The following KDM3A variants were observed in gnomAD, a reference collection of about 807,000 sequenced individuals.
The protein encoded by KDM3A is lysine-specific demethylase 3A.
Under a neutral mutation model 158.0 loss-of-function variants are expected in KDM3A, and 60 were observed. The ratio of observed to expected loss-of-function variants is 0.38; its 90% confidence interval spans 0.31 to 0.47. The LOEUF is 0.47. Among genes scored for constraint, KDM3A ranks in the 20% least tolerant of loss-of-function variants. KDM3A has a pLI of 0.99. For synonymous variants in KDM3A, 608 were observed against 549.3 expected (o/e 1.11, Z -1.49); for missense variants, 1,319 against 1,574.3 (o/e 0.84, Z 2.74).
At chr2:86,454,621 A>G (rs572719828) in intron 4 of KDM3A, among the ~76,000 whole-genome samples, 31 of 152,324 alleles carry the variant, frequency 2.0e-4, no homozygotes, top group African/African-American at 6.5e-4. Context: ...AAAATAAAAA[A>G]AAAACCCAGA....
intron 8 of KDM3A, among the ~76,000 whole-genome samples, chr2:86,463,721 A>C (rs1490279603): frequency 2.0e-5 from 3 of 152,222 alleles, no homozygotes; most frequent in African/African-American, 7.2e-5. Flanking sequence ...CACCATTTAA[A>C]ACTGTCACTT....
At chr2:86,478,811 C>G in intron 15 of KDM3A, 76 bp downstream of exon 15, 1 of 1,447,970 alleles carries the variant, frequency 6.9e-7, no homozygotes, top group East Asian at 2.3e-5. Context: ...CCAAGGATTT[C>G]TATCAGTGCA....
intron 4 of KDM3A, 124 bp from the exon 5 acceptor site, chr2:86,454,961 A>G (rs1465252916): frequency 1.7e-6 from 1 of 572,502 alleles, no homozygotes; most frequent in African/African-American, 2.0e-5. Flanking sequence ...GATTTGGGCT[A>G]TCACATGGTT....
intron 10 of KDM3A, among the ~76,000 whole-genome samples, chr2:86,469,349 C>T (rs192077578): frequency 1.3e-5 from 2 of 152,270 alleles, no homozygotes; most frequent in Admixed American, 1.3e-4. Flanking sequence ...CCTAAAAACC[C>T]ACTTCCCTCT....
rs138225856 is a variant in KDM3A at position 86,481,932 on chromosome 2, A to G, written c.2515A>G (p.Lys839Glu). The G allele has an allele frequency of 1.9e-5, 30 of 1,608,454 alleles. No individual in the cohort carries two copies. The African/African-American group carries it at 3.5e-4, about 19-fold the overall frequency. Residue 839 changes from lysine to glutamate, a missense_variant and splice_region_variant, in exon 17 of 26, where the codon AAA becomes GAA. Around this residue, in one of 4 missense-constraint regions of KDM3A, gnomAD observed 368 missense variants for 415.8 expected, o/e 0.89. Transcript: ENST00000312912. ...TGGATGTTTTGGTTTTATTTTAGAA[A>G]AACAACCAACAATGCCAATTTTAAA... Reference protein sequence around the residue: ...SGNVNKENKEKQPTMPILKNE... With the variant: ...SGNVNKENKEEQPTMPILKNE...
chr2:86,471,724 T>A (rs1365355995), intron 11 of KDM3A, among the ~76,000 whole-genome samples: 1 of 152,208 alleles, frequency 6.6e-6, no homozygotes, highest in African/African-American at 2.4e-5. Flanking sequence ...AAGTAAGAGT[T>A]TTTTAGGTAC....
intron 25 of KDM3A, 138 bp downstream of exon 25, chr2:86,491,413 C>G: frequency 1.3e-6 from 1 of 757,070 alleles, no homozygotes; most frequent in Admixed American, 2.4e-5. Flanking sequence ...TGCTTTATAT[C>G]TAGTACTACT....
At chr2:86,442,946 T>C (rs966266190) in intron 2 of KDM3A, among the ~76,000 whole-genome samples, 4 of 150,870 alleles carry the variant, frequency 2.7e-5, no homozygotes, top group African/African-American at 9.7e-5. Context: ...CGGCCAGTGA[T>C]TTTTTTTTAA....
At chr2:86,439,583 C>T (rs1262674083), upstream of KDM3A, among the ~76,000 whole-genome samples, 1 of 152,016 alleles carries the variant, frequency 6.6e-6, no homozygotes. Context: ...AGTTGTTTTT[C>T]AAATTAATAT....
At chr2:86,462,545 C>T (rs1282704289) in intron 8 of KDM3A, among the ~76,000 whole-genome samples, 1 of 152,110 alleles carries the variant, frequency 6.6e-6, no homozygotes, top group East Asian at 1.9e-4. Flanking sequence ...CCAAAACCAA[C>T]CATCACACCT....
Position 86,470,304 on chromosome 2 carries a change from G to C in KDM3A, c.1620G>C (p.Val540=). 1 of 1,614,068 alleles carries C rather than the reference G, an allele frequency of 6.2e-7. No homozygotes were observed. The highest frequency in any genetic ancestry group is 1.1e-5 in the South Asian group (1 of 91,082). The part of the protein sequence containing the change: ...FVQDDSCVNI[V]AQLPKCRECR... ...AGGATGATTCTTGTGTGAACATCGT[G>C]GCACAGTTGCCTAAATGCCGAGAGT... Residue 540 remains valine (V), a synonymous_variant, in exon 11 of 26, where the codon GTG becomes GTC. Coordinates refer to ENST00000312912, the MANE Select transcript of KDM3A (RefSeq NM_018433.6).
intron 25 of KDM3A, chr2:86,491,522 T>G: frequency 2.0e-6 from 1 of 489,672 alleles, no homozygotes. Context: ...AGAAAGGCCT[T>G]AGTACTGAAA....
In KDM3A at chr2:86,451,218, A is replaced by G. The variant is rs1207228552; in HGVS notation, c.453+5A>G. 6.5e-7 allele frequency: 1 copy of G among 1,530,552 alleles called. No homozygotes were observed. The highest frequency in any genetic ancestry group is 1.9e-5 in the Admixed American group (1 of 51,650). 94.8% of individuals were successfully genotyped at this position (1,530,552 alleles called of 1,614,324 possible). A position where few individuals can be genotyped will look rare whatever the true frequency, so the allele number is the denominator to read the frequency against. ...GACCTTTTGAAGCCTATACAGGTAA[A>G]ACATAGAAACAGTAGTAAACATTAG... On this transcript the variant is annotated splice_donor_5th_base_variant and intron_variant, in intron 4 of 25. Transcript: ENST00000312912.
At chr2:86,491,107 G>A (rs762511550) in intron 24 of KDM3A, 34 bp from the exon 25 acceptor site, 1 of 1,613,178 alleles carries the variant, frequency 6.2e-7, no homozygotes, top group Non-Finnish European at 8.5e-7. Context: ...GAACTTTTGG[G>A]TTTGTTACTG....
intron 25 of KDM3A, chr2:86,491,834 G>T: frequency 1.8e-6 from 1 of 562,288 alleles, no homozygotes; most frequent in South Asian, 2.3e-5. Flanking sequence ...GGGGGAAAAT[G>T]AGTTCTTGAA....
intron 2 of KDM3A, among the ~76,000 whole-genome samples, chr2:86,447,522 A>T (rs1182142875): frequency 2.0e-5 from 3 of 151,098 alleles, no homozygotes; most frequent in African/African-American, 7.3e-5. Flanking sequence ...CCCTGCTCCT[A>T]ACTTAATAAG....
At chr2:86,488,976 C>T (rs1024154051) in intron 21 of KDM3A, 4 of 228,688 alleles carry the variant, frequency 1.7e-5, no homozygotes, top group East Asian at 1.2e-4. Flanking sequence ...CTCCCCATCT[C>T]GAGTGGTCCT....
chr2:86,464,041 G>A lies in KDM3A; in HGVS notation c.844-12G>A. 1 of 1,499,576 alleles carries A rather than the reference G, an allele frequency of 6.7e-7. No homozygotes were observed. The highest frequency in any genetic ancestry group is 1.3e-5 in the South Asian group (1 of 75,812). The allele number at this position is 1,499,576 out of a possible 1,614,324, so 92.9% of individuals were successfully genotyped here. A position where few individuals can be genotyped will look rare whatever the true frequency, so the allele number is the denominator to read the frequency against. ...ACTTCCTTTTAATATCTGTTGGTTT[G>A]GTATCTTCTAGGCCTCTCCCAGTAT... On this transcript the variant is annotated splice_polypyrimidine_tract_variant and intron_variant, in intron 8 of 25. Coordinates refer to ENST00000312912, the MANE Select transcript of KDM3A (RefSeq NM_018433.6).
intron 10 of KDM3A, chr2:86,467,422 A>C (rs1168160291): frequency 6.5e-6 from 1 of 152,704 alleles, no homozygotes; most frequent in African/African-American, 2.4e-5. Context: ...ATTTCTGGAA[A>C]AAGGACTTGG....
Sources: gnomAD v4.1 joint callset for allele counts (sites outside exome capture counted in the v4.1 genomes callset) on GRCh38, gnomAD v4.1.1 for gene constraint, gnomAD v4.1.1 regional missense constraint, MANE v1.5 for transcripts, NCBI Gene and HGNC (gene_info 2026-07-23, HGNC 2026-07-21) for gene names.